Variants in PRKCB observed in about 807,000 individuals in gnomAD.
PRKCB encodes protein kinase C beta, also known as protein kinase C beta type.
Under a neutral mutation model 81.5 loss-of-function variants are expected in PRKCB, and 13 were observed. That is an observed-to-expected ratio of 0.16 (90% confidence interval 0.10 to 0.25). The LOEUF (loss-of-function observed/expected upper bound fraction) is 0.25. Among genes scored for constraint, PRKCB ranks in the 10% least tolerant of loss-of-function variants. PRKCB has a pLI of 1.00. For synonymous variants in PRKCB, 335 were observed against 321.4 expected (o/e 1.04, Z -0.45); for missense variants, 509 against 875.7 (o/e 0.58, Z 5.29).
At chr16:24,193,423 C>T (rs1044309199) in intron 16 of PRKCB, among the ~76,000 whole-genome samples, 17 of 149,010 alleles carry the variant, frequency 1.1e-4, no homozygotes, top group African/African-American at 1.5e-4. Context: ...CCAGCCTGGG[C>T]GACAGAGTGA....
chr16:24,104,501 A>G (rs392715), intron 7 of PRKCB, among the ~76,000 whole-genome samples: 104,309 of 152,106 alleles, frequency 0.69, 36,038 homozygotes, highest in African/African-American at 0.76. Flanking sequence ...AAAATAAGTA[A>G]TAAAACATGG....
rs149299448 is a variant in PRKCB, at chr16:24,110,195, C to T, written c.822-2778C>T. Among the ~76,000 whole-genome samples, 282 of 144,740 alleles carry T rather than the reference C, an allele frequency of 1.9e-3. 3 individuals carry two copies. The East Asian group carries it at 0.023, about 12-fold the overall frequency. 95.0% of individuals were successfully genotyped at this position (144,740 alleles called of 152,430 possible). On this transcript the variant is annotated intron_variant, in intron 7 of 16. Coordinates refer to ENST00000643927, the MANE Select transcript of PRKCB (RefSeq NM_002738.7). ...GAGAGGGAGAGGGAGAGGGAGAGAG[C>T]GTCCCCAATCTTTTAAGTCTATTTT...
At chr16:24,185,637 A>G in intron 15 of PRKCB, 70 bp downstream of exon 15, 1 of 1,305,382 alleles carries the variant, frequency 7.7e-7, no homozygotes, top group South Asian at 1.2e-5. Flanking sequence ...CTTGCCCAAG[A>G]ACACCCCACC....
In PRKCB at chr16:24,216,219, C is replaced by G; in HGVS notation, c.*1403C>G. On this transcript the variant is annotated 3_prime_UTR_variant, in exon 17 of 17. Transcript: ENST00000643927. ...GTGGGGTGGGATGACCTGGCCAGAG[C>G]CAACGAGGATACTGGAGCCCAAAGT... 2.0e-6 allele frequency: 2 copies of G among 985,368 alleles called. No individual in the cohort carries two copies. The highest frequency in any genetic ancestry group is 2.4e-6 in the Non-Finnish European group (2 of 829,936). The allele number at this position is 985,368 out of a possible 1,614,324, so 61.0% of individuals were successfully genotyped here. A position where few individuals can be genotyped will look rare whatever the true frequency, so the allele number is the denominator to read the frequency against.
intron 5 of PRKCB, among the ~76,000 whole-genome samples, chr16:24,080,467 A>G (rs1295848722): frequency 6.6e-6 from 1 of 152,166 alleles, no homozygotes; most frequent in Non-Finnish European, 1.5e-5. Flanking sequence ...GGATAGTTCA[A>G]CACTCACTAA....
At chr16:23,879,439 A>G (rs1220302357) in intron 2 of PRKCB, among the ~76,000 whole-genome samples, 1 of 149,338 alleles carries the variant, frequency 6.7e-6, no homozygotes, top group African/African-American at 2.5e-5. Flanking sequence ...CAGATGTCAT[A>G]GTAATCTGGG....
intron 5 of PRKCB, among the ~76,000 whole-genome samples, chr16:24,086,590 C>T (rs1048949126): frequency 6.6e-6 from 1 of 152,162 alleles, no homozygotes; most frequent in African/African-American, 2.4e-5. Context: ...GATGGGGTCT[C>T]TGAAAGCCAG....
intron 2 of PRKCB, among the ~76,000 whole-genome samples, chr16:23,975,967 G>A (rs1031859918): frequency 6.6e-6 from 1 of 152,270 alleles, no homozygotes; most frequent in Middle Eastern, 3.4e-3. Context: ...CTCCAGCATG[G>A]TCATGGGGCA....
intron 5 of PRKCB, among the ~76,000 whole-genome samples, chr16:24,062,386 C>A (rs531518018): frequency 2.6e-5 from 4 of 152,328 alleles, no homozygotes; most frequent in Non-Finnish European, 4.4e-5. Context: ...GCATTTCAAT[C>A]CAAGCCCCAA....
chr16:23,840,946 G>A (rs1028508253), intron 2 of PRKCB, among the ~76,000 whole-genome samples: 5 of 152,164 alleles, frequency 3.3e-5, no homozygotes, highest in African/African-American at 9.7e-5. Flanking sequence ...GGTAATTTAA[G>A]AATGTGTTTG....
chr16:23,917,118 C>T (rs1963752793), intron 2 of PRKCB, among the ~76,000 whole-genome samples: 3 of 152,012 alleles, frequency 2.0e-5, no homozygotes, highest in East Asian at 3.9e-4. Context: ...GACAGAGTCT[C>T]GCTCTGTTGC....
intron 5 of PRKCB, among the ~76,000 whole-genome samples, chr16:24,055,007 G>T (rs775268477): frequency 6.6e-6 from 1 of 152,170 alleles, no homozygotes; most frequent in Non-Finnish European, 1.5e-5. Flanking sequence ...CCACAAACCC[G>T]ATGGCAGCCT....
intron 5 of PRKCB, among the ~76,000 whole-genome samples, chr16:24,061,948 G>A (rs901327298): frequency 3.3e-5 from 5 of 149,254 alleles, no homozygotes; most frequent in African/African-American, 1.2e-4. Context: ...AGGCCTGCTG[G>A]ACTTTGAAAA....
At chr16:24,020,663 G>T (rs1241556810) in intron 3 of PRKCB, among the ~76,000 whole-genome samples, 1 of 152,174 alleles carries the variant, frequency 6.6e-6, no homozygotes, top group East Asian at 1.9e-4. Context: ...GCTAACTCTG[G>T]AGCCTGCGCT....
chr16:24,070,979 C>T lies in PRKCB; in HGVS notation c.530-21812C>T, dbSNP rs143479856. ...TCTGGGAAGAGGTGGCCTTATAGAT[C>T]TAACTAGAAGGATGAATGAGCTTTG... On this transcript the variant is annotated intron_variant, in intron 5 of 16. Coordinates refer to ENST00000643927, the MANE Select transcript of PRKCB (RefSeq NM_002738.7). Among the ~76,000 whole-genome samples, 8 of 152,248 alleles carry T rather than the reference C, an allele frequency of 5.3e-5. No individual in the cohort carries two copies. In the East Asian group the frequency reaches 1.5e-3, roughly 29 times the overall value.
intron 9 of PRKCB, among the ~76,000 whole-genome samples, chr16:24,130,004 T>A (rs1011502162): frequency 1.3e-5 from 2 of 152,364 alleles, no homozygotes; most frequent in Non-Finnish European, 2.9e-5. Context: ...CATGTATCCA[T>A]CTGTCTATCC....
At chr16:24,110,100 G>C in intron 7 of PRKCB, among the ~76,000 whole-genome samples, 1 of 135,324 alleles carries the variant, frequency 7.4e-6, no homozygotes, top group Admixed American at 7.1e-5. Context: ...GAGAGGGAGA[G>C]GGAGACCGTG....
At chr16:23,928,443 A>T (rs890341790) in intron 2 of PRKCB, among the ~76,000 whole-genome samples, 1 of 152,058 alleles carries the variant, frequency 6.6e-6, no homozygotes, top group African/African-American at 2.4e-5. Flanking sequence ...ACATTTACTG[A>T]GCAAGAGCTT....
intron 2 of PRKCB, among the ~76,000 whole-genome samples, chr16:23,960,068 CAGG>C (rs1964404491): frequency 1.3e-5 from 2 of 152,172 alleles, no homozygotes; most frequent in South Asian, 4.1e-4. Flanking sequence ...TGTGGAAGCA[CAGG>C]AGGAGAGGTG....
Sources: allele counts gnomAD v4.1 joint callset (sites outside exome capture counted in the v4.1 genomes callset), GRCh38; gene constraint gnomAD v4.1.1; transcripts MANE v1.5; gene names NCBI Gene and HGNC (gene_info 2026-07-23, HGNC 2026-07-21).